Variants in RAB38 observed in about 807,000 individuals in gnomAD.
The protein encoded by RAB38 is RAB38, member RAS oncogene family, also known as ras-related protein Rab-38.
Under a neutral mutation model 18.4 loss-of-function variants are expected in RAB38, and 15 were observed. That is an observed-to-expected ratio of 0.82 (90% CI 0.55 to 1.26). RAB38 has a LOEUF of 1.26. Ranked by LOEUF, RAB38 falls within the 50% of genes most tolerant of loss-of-function variation. The pLI is 0.00. For synonymous variants in RAB38, 101 were observed against 104.4 expected (o/e 0.97, Z 0.20); for missense variants, 294 against 267.4 (o/e 1.10, Z -0.69).
chr11:87,951,585 T>C, the RAB38 span, among the ~76,000 whole-genome samples: 1 of 152,178 alleles, frequency 6.6e-6, no homozygotes, highest in African/African-American at 2.4e-5. Context: ...GGTGTGGATG[T>C]CCTTTCTGTT....
At chr11:87,863,928 G>A in the RAB38 span, among the ~76,000 whole-genome samples, 13 of 151,700 alleles carry the variant, frequency 8.6e-5, no homozygotes, top group Non-Finnish European at 1.8e-4. Flanking sequence ...GGGCTAATAT[G>A]TATCTTCCTA....
the RAB38 span, among the ~76,000 whole-genome samples, chr11:88,045,197 A>G: frequency 3.9e-4 from 59 of 152,192 alleles, no homozygotes; most frequent in East Asian, 0.011. Flanking sequence ...ATTTTATTTT[A>G]TTACCCAATC....
the RAB38 span, chr11:88,060,216 G>C: frequency 2.2e-4 from 34 of 152,280 alleles, no homozygotes; most frequent in East Asian, 4.8e-3. Context: ...TGTCTCCAGA[G>C]AACAGCCTGT....
At chr11:88,050,890 C>T in the RAB38 span, among the ~76,000 whole-genome samples, 1 of 152,242 alleles carries the variant, frequency 6.6e-6, no homozygotes, top group South Asian at 2.1e-4. Flanking sequence ...AAACTGGTTA[C>T]ATTTTTTTTC....
chr11:87,949,853 G>C, the RAB38 span, among the ~76,000 whole-genome samples: 1 of 152,122 alleles, frequency 6.6e-6, no homozygotes, highest in Non-Finnish European at 1.5e-5. Context: ...GTGCTGAGAA[G>C]AATGTATATT....
the RAB38 span, among the ~76,000 whole-genome samples, chr11:87,977,430 AACAATTAT>A: frequency 1.9e-5 from 2 of 102,832 alleles, no homozygotes; most frequent in Non-Finnish European, 3.7e-5. Context: ...TATATTATAA[AACAATTAT>A]ATATAATTAT....
downstream of RAB38, among the ~76,000 whole-genome samples, chr11:88,109,479 A>T (rs1942444498): frequency 1.3e-5 from 2 of 152,218 alleles, no homozygotes; most frequent in South Asian, 2.1e-4. Flanking sequence ...TTCATGTCTA[A>T]AACACCAAAA....
At chr11:87,976,035 C>T in the RAB38 span, among the ~76,000 whole-genome samples, 7 of 150,900 alleles carry the variant, frequency 4.6e-5, no homozygotes, top group African/African-American at 1.2e-4. Context: ...CTCCAAATAA[C>T]GCTATTGCTG....
the RAB38 span, among the ~76,000 whole-genome samples, chr11:87,927,238 T>G: frequency 6.6e-6 from 1 of 152,040 alleles, no homozygotes; most frequent in East Asian, 1.9e-4. Context: ...GGGATTATAT[T>G]AAATATATTC....
chr11:88,051,346 A>T, the RAB38 span, among the ~76,000 whole-genome samples: 1 of 152,094 alleles, frequency 6.6e-6, no homozygotes, highest in Admixed American at 6.5e-5. Context: ...GTACATGCAT[A>T]GATCTGATTC....
At chr11:87,858,410 G>C in the RAB38 span, among the ~76,000 whole-genome samples, 1 of 152,094 alleles carries the variant, frequency 6.6e-6, no homozygotes, top group African/African-American at 2.4e-5. Flanking sequence ...ATGCCTGTGT[G>C]TTCTTCCAAG....
chr11:87,931,373 G>C, the RAB38 span, among the ~76,000 whole-genome samples: 1 of 152,044 alleles, frequency 6.6e-6, no homozygotes, highest in Admixed American at 6.6e-5. Flanking sequence ...GCAAGTACGA[G>C]AAGAAAGAAT....
At chr11:88,012,814 C>G in the RAB38 span, among the ~76,000 whole-genome samples, 1 of 152,126 alleles carries the variant, frequency 6.6e-6, no homozygotes, top group Non-Finnish European at 1.5e-5. Flanking sequence ...TAAGCCGAAT[C>G]TGATAATAGT....
At chr11:87,810,765 C>T in the RAB38 span, among the ~76,000 whole-genome samples, 1 of 150,998 alleles carries the variant, frequency 6.6e-6, no homozygotes, top group Non-Finnish European at 1.5e-5. Flanking sequence ...GGTCATACAC[C>T]TACTTGCTTG....
the RAB38 span, among the ~76,000 whole-genome samples, chr11:87,956,080 A>G: frequency 6.8e-6 from 1 of 146,112 alleles, no homozygotes; most frequent in Non-Finnish European, 1.5e-5. Flanking sequence ...TTTCTGAGCT[A>G]ATAAAATAAT....
chr11:88,114,227 A>C (rs1408462157), intron 2 of RAB38, 87 bp from the exon 3 acceptor site: 1 of 1,421,496 alleles, frequency 7.0e-7, no homozygotes, highest in Non-Finnish European at 9.8e-7. Flanking sequence ...AATTCATTTA[A>C]ATATTCCTTC....
chr11:88,102,094 T>C, the RAB38 span, among the ~76,000 whole-genome samples: 1 of 152,012 alleles, frequency 6.6e-6, no homozygotes, highest in African/African-American at 2.4e-5. Flanking sequence ...ATTGCTATTG[T>C]TATCATTGTT....
chr11:88,154,939 C>G (rs148938954), intron 1 of RAB38, among the ~76,000 whole-genome samples: 1 of 152,354 alleles, frequency 6.6e-6, no homozygotes, highest in East Asian at 1.9e-4. Context: ...CATCCCACCC[C>G]TCCTGTGCAG....
the RAB38 span, among the ~76,000 whole-genome samples, chr11:87,903,147 G>T: frequency 6.6e-6 from 1 of 151,328 alleles, no homozygotes; most frequent in East Asian, 2.0e-4. Flanking sequence ...TTCTTGCTTT[G>T]TTCCCAGGCT....
Sources: gnomAD v4.1 joint callset for allele counts (sites outside exome capture counted in the v4.1 genomes callset) on GRCh38, gnomAD v4.1.1 for gene constraint, MANE v1.5 for transcripts, NCBI Gene and HGNC (gene_info 2026-07-23, HGNC 2026-07-21) for gene names.